Variants in ATP11C observed in about 807,000 individuals in gnomAD.
ATP11C encodes ATPase phospholipid transporting 11C (ATP11C blood group).
A neutral mutation model predicts 97.4 loss-of-function variants in ATP11C; 36 were observed. The ratio of observed to expected loss-of-function variants is 0.37; its 90% CI spans 0.28 to 0.49. The LOEUF (loss-of-function observed/expected upper bound fraction) is 0.49, where lower values mean the gene tolerates loss of function less well. Ranked by LOEUF, ATP11C falls within the 20% of genes least tolerant of loss-of-function variation. The pLI, the probability that ATP11C is intolerant of heterozygous loss-of-function variation, is 0.98. For synonymous variants in ATP11C, 275 were observed against 290.9 expected (o/e 0.95, Z 0.56); for missense variants, 730 against 824.6 (o/e 0.89, Z 1.40).
At chrX:139,821,650 C>T (rs971936224) in intron 2 of ATP11C, among the ~76,000 whole-genome samples, 34 of 112,031 alleles carry the variant, frequency 3.0e-4, no homozygotes, top group Non-Finnish European at 6.0e-4. Context: ...GAACTGCTTC[C>T]TGGAGGAATT....
chrX:139,874,124 C>T (rs1177834117), intron 1 of ATP11C, among the ~76,000 whole-genome samples: 1 of 107,585 alleles, frequency 9.3e-6, no homozygotes, highest in Non-Finnish European at 1.9e-5. Context: ...CTCACTGCAA[C>T]CTCCGTCTCC....
intron 1 of ATP11C, among the ~76,000 whole-genome samples, chrX:139,918,446 T>C (rs936072918): frequency 2.8e-5 from 3 of 106,963 alleles, no homozygotes; most frequent in Non-Finnish European, 5.7e-5. Context: ...ACCCCGTCTC[T>C]ACTAAAAATA....
intron 1 of ATP11C, among the ~76,000 whole-genome samples, chrX:139,913,157 T>C (rs1043822215): frequency 3.6e-5 from 4 of 111,739 alleles, no homozygotes; most frequent in Admixed American, 9.5e-5. Context: ...TAATTAATTG[T>C]ATTCATAAGT....
chrX:139,795,685 G>T (rs2082779041), intron 12 of ATP11C, among the ~76,000 whole-genome samples: 1 of 111,994 alleles, frequency 8.9e-6, no homozygotes, highest in Non-Finnish European at 1.9e-5. Context: ...TGTTGCACTG[G>T]AAAATAAATG....
intron 18 of ATP11C, among the ~76,000 whole-genome samples, chrX:139,777,841 G>A (rs2082378234): frequency 9.2e-6 from 1 of 108,622 alleles, no homozygotes; most frequent in Non-Finnish European, 1.9e-5. Flanking sequence ...AATCTTAGAA[G>A]CCAGAAGATT....
At chrX:139,895,591 A>T (rs908676448) in intron 1 of ATP11C, among the ~76,000 whole-genome samples, 1 of 110,796 alleles carries the variant, frequency 9.0e-6, no homozygotes, top group Non-Finnish European at 1.9e-5. Flanking sequence ...ATTTTTGTCT[A>T]TTTGCCTTTT....
At chrX:139,794,286 A>G (rs745847816) in intron 12 of ATP11C, among the ~76,000 whole-genome samples, 4 of 112,506 alleles carry the variant, frequency 3.6e-5, no homozygotes, top group African/African-American at 1.3e-4. Context: ...GAATTAAATG[A>G]CATTGCCTTT....
At chrX:139,767,201 A>C (rs765615405) in intron 20 of ATP11C, among the ~76,000 whole-genome samples, 2 of 111,953 alleles carry the variant, frequency 1.8e-5, no homozygotes, top group South Asian at 3.8e-4. Context: ...TGTTTTAACA[A>C]GATTAATTTG....
At chrX:139,925,771 T>C (rs1603420028) in intron 1 of ATP11C, among the ~76,000 whole-genome samples, 1 of 111,740 alleles carries the variant, frequency 8.9e-6, no homozygotes, top group East Asian at 2.8e-4. Flanking sequence ...AGCAATATCA[T>C]CAACATCACC....
At chrX:139,742,864 TAAAAAA>T (rs573243237) in intron 26 of ATP11C, among the ~76,000 whole-genome samples, 102 of 20,132 alleles carry the variant, frequency 5.1e-3, no homozygotes, top group African/African-American at 0.024. Flanking sequence ...ATTTTTAAAT[TAAAAAA>T]AAAAAAATAT....
At chrX:139,752,141 C>A (rs2081832992) in intron 23 of ATP11C, among the ~76,000 whole-genome samples, 1 of 111,514 alleles carries the variant, frequency 9.0e-6, no homozygotes, top group African/African-American at 3.3e-5. Context: ...CAGGTCTCTG[C>A]CCAAATGTCA....
chrX:139,745,242 T>C (rs1257926997), intron 25 of ATP11C, among the ~76,000 whole-genome samples: 1 of 111,189 alleles, frequency 9.0e-6, no homozygotes, highest in Non-Finnish European at 1.9e-5. Flanking sequence ...CAGAATAGCC[T>C]TTCTGCAGAA....
intron 1 of ATP11C, among the ~76,000 whole-genome samples, chrX:139,882,238 C>T (rs2485722): frequency 0.18 from 20,207 of 110,792 alleles, 3,112 homozygotes; most frequent in African/African-American, 0.5. Flanking sequence ...CGTGGGATCA[C>T]GATGGACATT....
At chrX:139,747,319 T>A (rs2081709932) in intron 24 of ATP11C, among the ~76,000 whole-genome samples, 1 of 111,569 alleles carries the variant, frequency 9.0e-6, no homozygotes, top group African/African-American at 3.3e-5. Context: ...TTATATCACA[T>A]TCAGTGGGGG....
At chrX:139,836,872 C>T (rs1185924939) in intron 1 of ATP11C, among the ~76,000 whole-genome samples, 3 of 111,590 alleles carry the variant, frequency 2.7e-5, no homozygotes, top group African/African-American at 9.8e-5. Context: ...TTCCCAGCAA[C>T]CAAGGTACAA....
At chrX:139,775,761 A>G (rs754902273) in intron 18 of ATP11C, among the ~76,000 whole-genome samples, 1 of 112,716 alleles carries the variant, frequency 8.9e-6, no homozygotes, top group African/African-American at 3.2e-5. Context: ...AGGGACAGAG[A>G]TCCAGGTGGC....
rs2083472361 is a variant in ATP11C at position 139,824,139 on chromosome X, A to AT, written c.147+2564_147+2565insA. ...TAAAAATACCAAAAAAAAAAAAAAA[A>AT]AAATTAATTAATTTTTTAAAAAAAA... is the stretch of plus-strand genomic sequence containing the variant. On this transcript the variant is annotated intron_variant, in intron 2 of 29. Coordinates refer to ENST00000682941, the MANE Select transcript of ATP11C (RefSeq NM_001353812.2). Among the ~76,000 whole-genome samples, 3 of 108,613 alleles carry AT rather than the reference A, an allele frequency of 2.8e-5. No homozygotes were observed. In the South Asian group the frequency reaches 1.2e-3, roughly 42 times the overall value. The allele number at this position is 108,613 out of a possible 115,157, so 94.3% of individuals were successfully genotyped here. A position where few individuals can be genotyped will look rare whatever the true frequency, so the allele number is the denominator to read the frequency against.
intron 1 of ATP11C, among the ~76,000 whole-genome samples, chrX:139,887,384 C>T (rs1432122240): frequency 8.9e-6 from 1 of 111,834 alleles, no homozygotes; most frequent in Non-Finnish European, 1.9e-5. Flanking sequence ...AATCTCAGCC[C>T]TCTGGGAGGC....
intron 18 of ATP11C, among the ~76,000 whole-genome samples, chrX:139,781,272 C>A (rs915381459): frequency 1.8e-5 from 2 of 111,883 alleles, no homozygotes; most frequent in Non-Finnish European, 3.8e-5. Flanking sequence ...ATGTTTGTAA[C>A]TTTTTAATTC....
Sources: allele counts gnomAD v4.1 joint callset (sites outside exome capture counted in the v4.1 genomes callset), GRCh38; gene constraint gnomAD v4.1.1; transcripts MANE v1.5; gene names NCBI Gene and HGNC (gene_info 2026-07-23, HGNC 2026-07-21).